The following ACOX1 variants were observed in gnomAD, a reference collection of about 807,000 sequenced individuals.
The protein encoded by ACOX1 is acyl-CoA oxidase 1, also known as peroxisomal acyl-coenzyme A oxidase 1.
In ACOX1, 41 loss-of-function variants were observed where a neutral mutation model predicts 75.5. The observed-to-expected ratio is 0.54, with a 90% CI of 0.42 to 0.70. The LOEUF (loss-of-function observed/expected upper bound fraction) is 0.70, where lower values mean the gene tolerates loss of function less well. Among genes scored for constraint, ACOX1 ranks in the 30% least tolerant of loss-of-function variants. The pLI, the probability that ACOX1 is intolerant of heterozygous loss-of-function variation, is 0.00. For missense variants in ACOX1, 630 were observed against 837.5 expected, an observed-to-expected ratio of 0.75 and a Z score of 3.06; for synonymous variants, 303 against 298.8, an observed-to-expected ratio of 1.01 and a Z score of -0.15.
Position 75,945,472 on chromosome 17 carries a change from T to A in ACOX1, c.*1276A>T, listed in dbSNP as rs545831823. On this transcript the variant is annotated 3_prime_UTR_variant, in exon 14 of 14. Coordinates refer to ENST00000293217, the MANE Select transcript of ACOX1 (RefSeq NM_004035.7). ...ATGTCAGGTCCCAAGATAGGAGTTATGTTTCCATGGAATTAAGCCATATTC... is the reference window on the plus strand; with the variant it reads ...ATGTCAGGTCCCAAGATAGGAGTTAAGTTTCCATGGAATTAAGCCATATTC... 6.6e-6 allele frequency: 1 copy of A among 152,392 alleles called. No individual in the cohort carries two copies. The highest frequency in any genetic ancestry group is 6.6e-5 in the Admixed American group (1 of 15,252). 9.4% of individuals were successfully genotyped at this position (152,392 alleles called of 1,614,324 possible).
rs1338772695 is a variant in ACOX1 at position 75,944,258 on chromosome 17, C to T, written c.*2490G>A. 6.6e-6 allele frequency: 1 copy of T among 152,116 alleles called. No individual in the cohort carries two copies. Among genetic ancestry groups the T allele is most frequent in the African/African-American group, 2.4e-5 (1 of 41,430 alleles). The allele number at this position is 152,116 out of a possible 1,614,324, so 9.4% of individuals were successfully genotyped here. A position where few individuals can be genotyped will look rare whatever the true frequency, so the allele number is the denominator to read the frequency against. The stretch of plus-strand genomic sequence containing the variant: ...AAAAGATAAAAATAAAATTCCTACT[C>T]AGTAATTTTGGAGAAGACAAGGTTA... On this transcript the variant is annotated 3_prime_UTR_variant, in exon 14 of 14. Coordinates refer to ENST00000293217, the MANE Select transcript of ACOX1 (RefSeq NM_004035.7).
chr17:75,952,875 A>G (rs979407078), intron 7 of ACOX1, among the ~76,000 whole-genome samples: 2 of 151,562 alleles, frequency 1.3e-5, no homozygotes, highest in African/African-American at 4.8e-5. Context: ...GGGTCTCACT[A>G]TGTTGCTCAA....
chr17:75,953,671 A>G (rs1374394472), intron 6 of ACOX1, 51 bp from the exon 7 acceptor site: 2 of 1,607,214 alleles, frequency 1.2e-6, no homozygotes, highest in South Asian at 2.2e-5. Flanking sequence ...CCCAAGAGGC[A>G]GTTCAGTGGT....
At chr17:75,958,538 G>C (rs373959867) in intron 3 of ACOX1, among the ~76,000 whole-genome samples, 1 of 148,108 alleles carries the variant, frequency 6.8e-6, no homozygotes, top group Admixed American at 6.6e-5. Flanking sequence ...GCTGGGCACG[G>C]TGGCTCACGC....
rs151171336 is a variant in ACOX1, at chr17:75,943,753, C to A, written c.*2995G>T. The stretch of plus-strand genomic sequence containing the variant: ...TGTCATCAACTCTGCTTTGAGGTCA[C>A]TAATTTTTAAATACAGAGCATAAAG... On this transcript the variant is annotated 3_prime_UTR_variant, in exon 14 of 14. Coordinates refer to ENST00000293217, the MANE Select transcript of ACOX1 (RefSeq NM_004035.7). The A allele has an allele frequency of 1.3e-5, 2 of 152,254 alleles. No individual in the cohort carries two copies. The highest frequency in any genetic ancestry group is 1.3e-4 in the Admixed American group (2 of 15,292). 9.4% of individuals were successfully genotyped at this position (152,254 alleles called of 1,614,324 possible). A position where few individuals can be genotyped will look rare whatever the true frequency, so the allele number is the denominator to read the frequency against.
chr17:75,965,139 C>T (rs2065918719), intron 2 of ACOX1, among the ~76,000 whole-genome samples: 1 of 151,964 alleles, frequency 6.6e-6, no homozygotes, highest in Non-Finnish European at 1.5e-5. Context: ...AGATTGAGAC[C>T]ATCCTGGCTA....
chr17:75,964,402 CTT>C (rs2065912643), intron 2 of ACOX1, among the ~76,000 whole-genome samples: 1 of 152,038 alleles, frequency 6.6e-6, no homozygotes, highest in Non-Finnish European at 1.5e-5. Context: ...GGTTATTTTA[CTT>C]CACTAGAAAT....
At chr17:75,962,992 G>A (rs1035260698) in intron 2 of ACOX1, among the ~76,000 whole-genome samples, 14 of 152,144 alleles carry the variant, frequency 9.2e-5, no homozygotes, top group East Asian at 7.7e-4. Context: ...CTAGCTGGGC[G>A]TGGTGGTGGG....
intron 2 of ACOX1, among the ~76,000 whole-genome samples, chr17:75,962,470 G>A (rs144486143): frequency 2.0e-5 from 3 of 152,190 alleles, no homozygotes; most frequent in African/African-American, 7.2e-5. Flanking sequence ...CTCCAAATCC[G>A]TCAACTCCAT....
intron 2 of ACOX1, chr17:75,973,597 T>C (rs2144315109): frequency 1.2e-6 from 2 of 1,613,658 alleles, no homozygotes; most frequent in East Asian, 4.5e-5. Flanking sequence ...TGAGGTGGGT[T>C]ACCCACAGAC....
At chr17:75,972,096 T>A (rs2066000894) in intron 2 of ACOX1, among the ~76,000 whole-genome samples, 1 of 152,046 alleles carries the variant, frequency 6.6e-6, no homozygotes, top group South Asian at 2.1e-4. Flanking sequence ...CCCAGGACTT[T>A]GGGAGGGCAG....
chr17:75,978,110 T>A lies in ACOX1; in HGVS notation c.269+424A>T, dbSNP rs989878822. Among the ~76,000 whole-genome samples the A allele has an allele frequency of 6.3e-4, 92 of 145,810 alleles. No homozygotes were observed. Among genetic ancestry groups the A allele is most frequent in the African/African-American group, 2.2e-3 (87 of 39,492 alleles). On this transcript the variant is annotated intron_variant, in intron 2 of 13. Transcript: ENST00000293217. The surrounding 1 kb of genome is among the most constrained non-coding windows in gnomAD (Gnocchi z 4.2). The stretch of plus-strand genomic sequence containing the variant: ...TATTTATTTATTTATTTATTTATTT[T>A]TTGAGATGGAGTCTCGCACTCTTGC...
intron 2 of ACOX1, among the ~76,000 whole-genome samples, chr17:75,975,853 C>CAGAG (rs35921553): frequency 0.021 from 2,706 of 127,162 alleles, 64 homozygotes; most frequent in East Asian, 0.13. Context: ...AATGGAAATG[C>CAGAG]AGAGAGAGAG....
intron 7 of ACOX1, 141 bp downstream of exon 7, chr17:75,953,310 T>G (rs1240841440): frequency 3.6e-5 from 32 of 878,748 alleles, no homozygotes; most frequent in Non-Finnish European, 5.7e-5. Flanking sequence ...AGCCTAGATA[T>G]GAAATTACAG....
At chr17:75,954,738 A>T (rs60649098) in intron 6 of ACOX1, among the ~76,000 whole-genome samples, 18,293 of 149,218 alleles carry the variant, frequency 0.12, 1,698 homozygotes, top group African/African-American at 0.26. Context: ...CACCCGGCTA[A>T]TCTTTGTATT....
Position 75,978,918 on chromosome 17 carries a change from T to C in ACOX1, c.109+47A>G, listed in dbSNP as rs1223903987. 1 of 1,605,186 alleles carries C rather than the reference T, an allele frequency of 6.2e-7. No homozygotes were observed. ...CCCCTGACTCCGCATCGAGGGAGTC[T>C]CCAGCTTTTCTCGGGAAAGGAGGGA... is the stretch of plus-strand genomic sequence containing the variant. On this transcript the variant is annotated intron_variant, in intron 1 of 13. Transcript: ENST00000293217. The surrounding 1 kb of genome is among the most constrained non-coding windows in gnomAD (Gnocchi z 4.2).
At position 75,978,082 on chromosome 17, in the gene ACOX1, C is replaced by CTTTA. The variant is rs149370934; in HGVS notation, c.269+448_269+451dup. 3.0e-3 allele frequency among the ~76,000 whole-genome samples: 456 copies of CTTTA among 151,512 alleles called. No homozygotes were observed. The highest frequency in any genetic ancestry group is 5.5e-3 in the Admixed American group (84 of 15,212). ...ATCACATTATTTTTCACACATATAA[C>CTTTA]TTTATTTATTTATTTATTTATTTAT... On this transcript the variant is annotated intron_variant, in intron 2 of 13. Coordinates refer to ENST00000293217, the MANE Select transcript of ACOX1 (RefSeq NM_004035.7). This position sits in a 1 kb window ranked among gnomAD's most constrained non-coding sequence, Gnocchi z 4.2.
chr17:75,972,622 G>C (rs1199526570), intron 2 of ACOX1, among the ~76,000 whole-genome samples: 2 of 139,614 alleles, frequency 1.4e-5, no homozygotes, highest in East Asian at 2.0e-4. Flanking sequence ...TCCAGCCTGG[G>C]CAAAAAAAGC....
intron 7 of ACOX1, among the ~76,000 whole-genome samples, chr17:75,952,867 G>T (rs1305184241): frequency 6.6e-6 from 1 of 151,634 alleles, no homozygotes; most frequent in Non-Finnish European, 1.5e-5. Flanking sequence ...TAGAGACAGG[G>T]TCTCACTATG....
Sources: allele counts gnomAD v4.1 joint callset (sites outside exome capture counted in the v4.1 genomes callset), GRCh38; gene constraint gnomAD v4.1.1; non-coding constraint Gnocchi (gnomAD v3.1); transcripts MANE v1.5; gene names NCBI Gene and HGNC (gene_info 2026-07-23, HGNC 2026-07-21).